The following ST14 variants were observed in gnomAD, a reference collection of about 807,000 sequenced individuals.
ST14 encodes the protein suppressor of tumorigenicity 14 protein.
A neutral mutation model predicts 96.5 loss-of-function variants in ST14; 40 were observed. That is an observed-to-expected ratio of 0.41 (90% CI 0.32 to 0.54). ST14 has a LOEUF of 0.54. ST14 is among the 20% of genes least tolerant of loss of function. The probability of loss-of-function intolerance (pLI) is 0.17; values close to 1 mark genes in which losing one functional copy is unlikely to be tolerated. For synonymous variants in ST14, 506 were observed against 492.1 expected (o/e 1.03, Z -0.37); for missense variants, 1,066 against 1,188.9 (o/e 0.90, Z 1.52).
At chr11:130,196,725 G>C in intron 11 of ST14, 25 bp downstream of exon 11, 3 of 1,614,186 alleles carry the variant, frequency 1.9e-6, no homozygotes, top group Non-Finnish European at 2.5e-6. Flanking sequence ...TTGGGAGGAG[G>C]GCTGGCGGGG....
rs755115224 is a variant in ST14, at chr11:130,198,340, A to T, written c.1492A>T (p.Asn498Tyr). The part of the protein sequence containing the change: ...CDAGHQFTCK[N>Y]KFCKPLFWVC... ...CGCCGGCCACCAGTTCACGTGCAAG[A>T]ACAAGTTCTGCAAGCCCCTCTTCTG... Residue 498 changes from asparagine (N) to tyrosine (Y), a missense_variant, in exon 13 of 19, where the codon AAC (asparagine) becomes TAC (tyrosine). Transcript: ENST00000278742. 1.2e-6 allele frequency: 2 copies of T among 1,614,190 alleles called. No homozygotes were observed. The highest frequency in any genetic ancestry group is 2.2e-5 in the East Asian group (1 of 44,872).
chr11:130,175,334 A>C (rs1240908778), intron 1 of ST14, among the ~76,000 whole-genome samples: 6 of 151,262 alleles, frequency 4.0e-5, no homozygotes, highest in African/African-American at 1.5e-4. Flanking sequence ...TTTGAAATGG[A>C]ATATCACTCT....
intron 16 of ST14, among the ~76,000 whole-genome samples, chr11:130,204,273 T>C (rs1953463840): frequency 6.6e-6 from 1 of 152,176 alleles, no homozygotes; most frequent in Non-Finnish European, 1.5e-5. Context: ...GGGAAACTGT[T>C]AGAAAGGTCA....
chr11:130,210,322 G>C lies in ST14; in HGVS notation c.*499G>C, dbSNP rs867017077. ...CAGCTCCCAGGGTGGACTTCAGTGT[G>C]TGTATTTGTGTAAATGAGTAAAACA... On this transcript the variant is annotated 3_prime_UTR_variant, in exon 19 of 19. Coordinates refer to ENST00000278742, the MANE Select transcript of ST14 (RefSeq NM_021978.4). The C allele has an allele frequency of 1.2e-5, 2 of 161,586 alleles. No individual in the cohort carries two copies. The allele number at this position is 161,586 out of a possible 1,614,324, so 10.0% of individuals were successfully genotyped here.
intron 1 of ST14, among the ~76,000 whole-genome samples, chr11:130,186,608 AC>A (rs1263295061): frequency 6.6e-6 from 1 of 152,226 alleles, no homozygotes; most frequent in Non-Finnish European, 1.5e-5. Context: ...AGCAGGAAAA[AC>A]AAAGACATAT....
chr11:130,195,304 G>A (rs1034611004), intron 9 of ST14, among the ~76,000 whole-genome samples: 1 of 151,924 alleles, frequency 6.6e-6, no homozygotes, highest in Non-Finnish European at 1.5e-5. Context: ...TAGGGCCCAG[G>A]GTGGGGTCAG....
chr11:130,160,860 C>T (rs1173500192), intron 1 of ST14, among the ~76,000 whole-genome samples: 1 of 152,122 alleles, frequency 6.6e-6, no homozygotes, highest in East Asian at 1.9e-4. Flanking sequence ...AGGTCTCTAC[C>T]CTCTCTGTCC....
At chr11:130,186,925 A>G (rs1953243307) in intron 1 of ST14, among the ~76,000 whole-genome samples, 1 of 152,246 alleles carries the variant, frequency 6.6e-6, no homozygotes, top group South Asian at 2.1e-4. Flanking sequence ...TATTAGATCA[A>G]GTCACAAATA....
At chr11:130,179,278 G>A (rs957306646) in intron 1 of ST14, among the ~76,000 whole-genome samples, 12 of 152,246 alleles carry the variant, frequency 7.9e-5, no homozygotes, top group African/African-American at 2.4e-4. Flanking sequence ...TGTTTCAGTT[G>A]ATTGTTATTG....
At chr11:130,198,907 A>C in intron 14 of ST14, 40 bp from the exon 15 acceptor site, 2 of 1,613,062 alleles carry the variant, frequency 1.2e-6, no homozygotes, top group South Asian at 1.1e-5. Context: ...CGGATGCTGC[A>C]GAGGAATTGA....
chr11:130,164,844 T>A (rs539372334), intron 1 of ST14, among the ~76,000 whole-genome samples: 43 of 151,552 alleles, frequency 2.8e-4, no homozygotes, highest in African/African-American at 1.0e-3. Flanking sequence ...TTCAAGCGAT[T>A]CTCCTGCCTC....
chr11:130,204,146 C>T (rs1403713340), intron 16 of ST14, among the ~76,000 whole-genome samples: 1 of 152,232 alleles, frequency 6.6e-6, no homozygotes, highest in Non-Finnish European at 1.5e-5. Context: ...TTTCATATCT[C>T]TCCACATGTA....
chr11:130,202,498 C>CTGT (rs1235457921), intron 16 of ST14, among the ~76,000 whole-genome samples: 1 of 152,174 alleles, frequency 6.6e-6, no homozygotes, highest in Non-Finnish European at 1.5e-5. Context: ...CGGGGGGTGA[C>CTGT]TGTTGGGAAC....
chr11:130,182,825 G>T (rs7479558), intron 1 of ST14, among the ~76,000 whole-genome samples: 2 of 150,824 alleles, frequency 1.3e-5, no homozygotes, highest in East Asian at 3.9e-4. Context: ...AATTTTTTAT[G>T]TTTTTTGTAG....
chr11:130,208,639 G>C lies in ST14; in HGVS notation c.2224G>C (p.Gly742Arg), dbSNP rs1332165467. Residue 742 changes from glycine to arginine, a missense_variant, in exon 17 of 19, where the codon GGC becomes CGC. By Grantham distance (125) the Gly-to-Arg change is moderately radical (BLOSUM62 -2). Coordinates refer to ENST00000278742, the MANE Select transcript of ST14 (RefSeq NM_021978.4). ...GGACGCCTCCCATGTCTTCCCTGCC[G>C]GCAAGGCCATCTGGGTCACGGGCTG... ...LPDASHVFPAGKAIWVTGWGH... is the reference protein window; with the variant it reads ...LPDASHVFPARKAIWVTGWGH... 6.2e-7 allele frequency: 1 copy of C among 1,613,956 alleles called. No individual in the cohort carries two copies. The highest frequency in any genetic ancestry group is 1.3e-5 in the African/African-American group (1 of 75,058).
intron 1 of ST14, among the ~76,000 whole-genome samples, chr11:130,172,176 G>A (rs955591939): frequency 2.6e-5 from 4 of 151,744 alleles, no homozygotes; most frequent in East Asian, 1.9e-4. Context: ...GTGCAGTGGC[G>A]TGATCACAGC....
rs374239659 is a variant in ST14, at chr11:130,197,967, G to A, written c.1459+22G>A. The A allele has an allele frequency of 9.7e-5, 150 of 1,553,946 alleles. 2 individuals are homozygous for A. The African/African-American group carries it at 1.8e-3, about 19-fold the overall frequency. ...TGCAGTGAGTCAGGCTGGGAGCCCC[G>A]GTCTCCCCACCCTCCTTCCCCACCC... is the stretch of plus-strand genomic sequence containing the variant. On this transcript the variant is annotated intron_variant, in intron 12 of 18. Transcript: ENST00000278742.
chr11:130,189,810 G>C lies in ST14; in HGVS notation c.512G>C (p.Arg171Pro). ...CAGCACCTGGTGGAGGAGGCCGAGCGCGTCATGGCCGAGGAGCGCGTAGTC... is the reference window on the plus strand; with the variant it reads ...CAGCACCTGGTGGAGGAGGCCGAGCCCGTCATGGCCGAGGAGCGCGTAGTC... The part of the protein sequence containing the change: ...IPQHLVEEAE[R>P]VMAEERVVML... The change falls in exon 5 of 19, where the codon CGC (arginine) becomes CCC (proline). Residue 171 changes from arginine (R) to proline (P), a missense_variant. Coordinates refer to ENST00000278742, the MANE Select transcript of ST14 (RefSeq NM_021978.4). The C allele has an allele frequency of 6.2e-7, 1 of 1,613,912 alleles. No homozygotes were observed. Among genetic ancestry groups the C allele is most frequent in the Non-Finnish European group, 8.5e-7 (1 of 1,179,958 alleles).
chr11:130,189,036 G>T lies in ST14; in HGVS notation c.440+97G>T, dbSNP rs969593504. On this transcript the variant is annotated intron_variant, in intron 4 of 18. Transcript: ENST00000278742. Reference sequence around the variant, plus strand: ...GGGGCAGGAAGCGGGAGATGGTGCTGGAGGTCCTGGCCTGGAGAGCCAAGG... The same window carrying T: ...GGGGCAGGAAGCGGGAGATGGTGCTTGAGGTCCTGGCCTGGAGAGCCAAGG... The T allele has an allele frequency of 3.0e-6, 4 of 1,352,858 alleles. No individual in the cohort carries two copies. The African/African-American group carries it at 4.3e-5, about 15-fold the overall frequency. The allele number at this position is 1,352,858 out of a possible 1,614,324, so 83.8% of individuals were successfully genotyped here.
Sources: gnomAD v4.1 joint callset for allele counts (sites outside exome capture counted in the v4.1 genomes callset) on GRCh38, gnomAD v4.1.1 for gene constraint, MANE v1.5 for transcripts, NCBI Gene and HGNC (gene_info 2026-07-23, HGNC 2026-07-21) for gene names.